Variants in GRIK3 observed in about 807,000 individuals in gnomAD.
GRIK3 encodes glutamate receptor ionotropic, kainate 3.
A neutral mutation model predicts 102.5 loss-of-function variants in GRIK3; 29 were observed. The ratio of observed to expected loss-of-function variants is 0.28; its 90% CI spans 0.21 to 0.39. The LOEUF is 0.39. Among genes scored for constraint, GRIK3 ranks in the 10% least tolerant of loss-of-function variants. The pLI is 1.00. For synonymous variants in GRIK3, 511 were observed against 504.9 expected (o/e 1.01, Z -0.16); for missense variants, 908 against 1,252.4 (o/e 0.73, Z 4.15).
chr1:36,882,303 G>A (rs1640989762), intron 2 of GRIK3, among the ~76,000 whole-genome samples: 1 of 152,172 alleles, frequency 6.6e-6, no homozygotes, highest in Non-Finnish European at 1.5e-5. Flanking sequence ...CAAAAACTCA[G>A]GCAGGTGAGG....
At chr1:36,812,321 C>T (rs1369842754) in intron 13 of GRIK3, among the ~76,000 whole-genome samples, 1 of 152,148 alleles carries the variant, frequency 6.6e-6, no homozygotes, top group Non-Finnish European at 1.5e-5. Context: ...GCTCCCACTC[C>T]TTTCCTAAGC....
chr1:36,871,112 G>T (rs1640837965), intron 4 of GRIK3, among the ~76,000 whole-genome samples: 1 of 152,146 alleles, frequency 6.6e-6, no homozygotes, highest in Non-Finnish European at 1.5e-5. Flanking sequence ...CCTCCATAAT[G>T]GTATGAGATG....
chr1:36,830,494 C>T (rs146831025), intron 10 of GRIK3, among the ~76,000 whole-genome samples: 10 of 152,156 alleles, frequency 6.6e-5, no homozygotes, highest in African/African-American at 1.2e-4. Flanking sequence ...CCAAATCCAA[C>T]GACTGGTGTC....
rs778138857 is a variant in GRIK3, at chr1:36,872,411, G to A, written c.551-42C>T. ...CACAAAAGACACACGTGTACCACATGTATCCACAGCTCCAGGCATCCACTT... is the reference window on the plus strand; with the variant it reads ...CACAAAAGACACACGTGTACCACATATATCCACAGCTCCAGGCATCCACTT... On this transcript the variant is annotated intron_variant, in intron 3 of 15. Coordinates refer to ENST00000373091, the MANE Select transcript of GRIK3 (RefSeq NM_000831.4). The surrounding 1 kb of genome is among the most constrained non-coding windows in gnomAD (Gnocchi z 5.9). 1 of 1,464,926 alleles carries A rather than the reference G, an allele frequency of 6.8e-7. No homozygotes were observed. The highest frequency in any genetic ancestry group is 9.3e-7 in the Non-Finnish European group (1 of 1,077,558). The allele number at this position is 1,464,926 out of a possible 1,614,324, so 90.7% of individuals were successfully genotyped here. A position where few individuals can be genotyped will look rare whatever the true frequency, so the allele number is the denominator to read the frequency against.
At chr1:36,956,895 G>A (rs997060277) in intron 1 of GRIK3, among the ~76,000 whole-genome samples, 4 of 152,258 alleles carry the variant, frequency 2.6e-5, no homozygotes, top group African/African-American at 7.2e-5. Flanking sequence ...ACAGAGAGCA[G>A]TCATTCATTG....
At chr1:36,829,966 C>T (rs1642797713) in intron 10 of GRIK3, among the ~76,000 whole-genome samples, 1 of 152,196 alleles carries the variant, frequency 6.6e-6, no homozygotes, top group Admixed American at 6.5e-5. Flanking sequence ...CAGGGGTCCT[C>T]CCAAGGGTCT....
intron 1 of GRIK3, among the ~76,000 whole-genome samples, chr1:36,913,435 C>T (rs1341698120): frequency 1.3e-5 from 2 of 152,202 alleles, no homozygotes; most frequent in Non-Finnish European, 2.9e-5. Flanking sequence ...TTACTTCCAT[C>T]CTCGTCTGTT....
intron 13 of GRIK3, among the ~76,000 whole-genome samples, chr1:36,810,572 T>C (rs1456715045): frequency 1.3e-5 from 2 of 152,248 alleles, no homozygotes; most frequent in East Asian, 1.9e-4. Flanking sequence ...AGAATGTATG[T>C]AAGTCTATAT....
At chr1:36,997,680 C>A (rs570883024) in intron 1 of GRIK3, among the ~76,000 whole-genome samples, 1 of 152,252 alleles carries the variant, frequency 6.6e-6, no homozygotes, top group Admixed American at 6.5e-5. Flanking sequence ...CGGGGGTGAC[C>A]ACACTCAGTC....
intron 1 of GRIK3, among the ~76,000 whole-genome samples, chr1:37,009,404 C>A (rs925495499): frequency 1.3e-5 from 2 of 152,244 alleles, no homozygotes; most frequent in Non-Finnish European, 2.9e-5. Context: ...CCCCCTCACA[C>A]CCCCAGCCCC....
chr1:36,818,116 T>C (rs921978971), intron 12 of GRIK3, among the ~76,000 whole-genome samples: 2 of 152,168 alleles, frequency 1.3e-5, no homozygotes, highest in Non-Finnish European at 2.9e-5. Context: ...TGCTTTGATA[T>C]GATGTTTTTT....
chr1:36,982,298 C>T (rs1570843058), intron 1 of GRIK3, among the ~76,000 whole-genome samples: 1 of 152,164 alleles, frequency 6.6e-6, no homozygotes, highest in Non-Finnish European at 1.5e-5. Flanking sequence ...GGCTGTGGTC[C>T]TCAGGGGCAG....
intron 3 of GRIK3, among the ~76,000 whole-genome samples, chr1:36,878,951 C>T (rs1640937520): frequency 6.6e-6 from 1 of 152,146 alleles, no homozygotes; most frequent in Non-Finnish European, 1.5e-5. Flanking sequence ...CTCTAGGGGA[C>T]TCTCCAGGTC....
At chr1:36,930,891 A>G (rs566667073) in intron 1 of GRIK3, among the ~76,000 whole-genome samples, 1 of 152,332 alleles carries the variant, frequency 6.6e-6, no homozygotes, top group African/African-American at 2.4e-5. Context: ...AGCTCAGCCA[A>G]CGAAACAGGC....
intron 1 of GRIK3, among the ~76,000 whole-genome samples, chr1:36,982,735 G>A (rs985406516): frequency 6.6e-6 from 1 of 151,918 alleles, no homozygotes; most frequent in Non-Finnish European, 1.5e-5. Flanking sequence ...CCCAGCGACC[G>A]GGGTCTTTAA....
In GRIK3 at chr1:36,912,376, G is replaced by T. The variant is rs1339119970; in HGVS notation, c.116-21280C>A. On this transcript the variant is annotated intron_variant, in intron 1 of 15. Transcript: ENST00000373091. The stretch of plus-strand genomic sequence containing the variant: ...CCTCGCCCCTTGCAGGCACCGTTGG[G>T]ATGCAGATTCTATGCAGTTTCTCAA... Among the ~76,000 whole-genome samples the T allele has an allele frequency of 2.6e-5, 4 of 152,102 alleles. No individual in the cohort carries two copies. In the East Asian group the frequency reaches 5.8e-4, roughly 22 times the overall value.
intron 1 of GRIK3, among the ~76,000 whole-genome samples, chr1:36,931,997 G>T (rs2124314590): frequency 6.6e-6 from 1 of 152,136 alleles, no homozygotes; most frequent in African/African-American, 2.4e-5. Context: ...ATCCTGTCCT[G>T]CCCCCTATCT....
At chr1:36,854,374 A>G (rs558017458) in intron 7 of GRIK3, among the ~76,000 whole-genome samples, 2 of 152,356 alleles carry the variant, frequency 1.3e-5, no homozygotes, top group South Asian at 2.1e-4. Flanking sequence ...GTCATATAAA[A>G]TACTGAGAAC....
chr1:36,997,690 C>G (rs1358835288), intron 1 of GRIK3, among the ~76,000 whole-genome samples: 3 of 152,098 alleles, frequency 2.0e-5, no homozygotes, highest in African/African-American at 7.2e-5. Flanking sequence ...CACACTCAGT[C>G]TGAGGAGTGC....
Sources: allele counts gnomAD v4.1 joint callset (sites outside exome capture counted in the v4.1 genomes callset), GRCh38; gene constraint gnomAD v4.1.1; non-coding constraint Gnocchi (gnomAD v3.1); transcripts MANE v1.5; gene names NCBI Gene and HGNC (gene_info 2026-07-23, HGNC 2026-07-21).